NT5DC3: variants seen among roughly 807,000 people sequenced by gnomAD.
The protein encoded by NT5DC3 is 5'-nucleotidase domain containing 3, also known as 5'-nucleotidase domain-containing protein 3.
NT5DC3 carries 42 observed loss-of-function variants against 67.8 expected under a neutral mutation model. The observed-to-expected ratio is 0.62, with a 90% CI of 0.48 to 0.80. NT5DC3 has a LOEUF of 0.80. NT5DC3 is among the 30% of genes least tolerant of loss of function. NT5DC3 has a pLI of 0.00. For missense variants in NT5DC3, 570 were observed against 696.4 expected, an observed-to-expected ratio of 0.82 and a Z score of 2.04; for synonymous variants, 237 against 255.6, an observed-to-expected ratio of 0.93 and a Z score of 0.69.
the NT5DC3 span, chr12:103,746,443 A>C: frequency 1.5e-6 from 1 of 659,602 alleles, no homozygotes. Context: ...CTCCAAGGCT[A>C]GAAAAGACCT....
chr12:103,793,991 T>C lies in NT5DC3; in HGVS notation c.760A>G (p.Ile254Val), dbSNP rs751985010. The C allele has an allele frequency of 1.2e-6, 2 of 1,613,542 alleles. No homozygotes were observed. The highest frequency in any genetic ancestry group is 2.2e-5 in the East Asian group (1 of 44,888). ...ATTCCTTTGATGTGGACGTCTCGAA[T>C]TGAATCCTGCCAAAAGATACATTTT... The part of the protein sequence containing the change: ...VHLYKDVKDS[I>V]RDVHIKGIMY... Residue 254 changes from isoleucine to valine, a missense_variant, in exon 7 of 14, where the codon ATT (isoleucine) becomes GTT (valine). By Grantham distance (29) the Ile-to-Val change is conservative (BLOSUM62 3). This residue lies in a region of NT5DC3 where 466 missense variants were observed against 608.0 expected (regional missense o/e 0.77). Coordinates refer to ENST00000392876, the MANE Select transcript of NT5DC3 (RefSeq NM_001031701.3).
In NT5DC3 at chr12:103,841,188, G is replaced by A. The variant is rs1482197988; in HGVS notation, c.-32C>T. On this transcript the variant is annotated 5_prime_UTR_variant, in exon 1 of 14. Transcript: ENST00000392876. ...TGCCTGCTGCCGCCACCGCCGCCGC[G>A]CCGCTCTGCGACTGCTGCTGCCCGG... 3 of 601,856 alleles carry A rather than the reference G, an allele frequency of 5.0e-6. No individual in the cohort carries two copies. The highest frequency in any genetic ancestry group is 8.4e-6 in the Non-Finnish European group (3 of 358,500). 37.3% of individuals were successfully genotyped at this position (601,856 alleles called of 1,614,324 possible).
At chr12:103,795,591 C>T (rs746709276) in intron 6 of NT5DC3, among the ~76,000 whole-genome samples, 77 of 152,092 alleles carry the variant, frequency 5.1e-4, no homozygotes, top group Non-Finnish European at 9.0e-4. Context: ...CCAGGATTCA[C>T]GCTGCCAAAA....
rs1465988335 is a variant in NT5DC3, at chr12:103,829,162, ATATTTC to A, written c.208+11781_208+11786del. 3.9e-5 allele frequency among the ~76,000 whole-genome samples: 6 copies of A among 152,328 alleles called. No individual in the cohort carries two copies. The South Asian group carries it at 8.3e-4, about 21-fold the overall frequency. On this transcript the variant is annotated intron_variant, in intron 1 of 13. Coordinates refer to ENST00000392876, the MANE Select transcript of NT5DC3 (RefSeq NM_001031701.3). ...TCTAGTGAGAGTCACCCATGTAGGT[ATATTTC>A]TGTAGTTCTAGTTCAGCAGACAACA...
rs988614186 is a variant in NT5DC3, at chr12:103,777,444, T to C, written c.*385A>G. 2.6e-5 allele frequency: 5 copies of C among 194,748 alleles called. No homozygotes were observed. Among genetic ancestry groups the C allele is most frequent in the Non-Finnish European group, 5.3e-5 (5 of 94,378 alleles). 12.1% of individuals were successfully genotyped at this position (194,748 alleles called of 1,614,324 possible). On this transcript the variant is annotated 3_prime_UTR_variant, in exon 14 of 14. Coordinates refer to ENST00000392876, the MANE Select transcript of NT5DC3 (RefSeq NM_001031701.3). ...ATCACTGTGCCCCTGCAGTTCCCAA[T>C]GCATAGCCCGTAAATGTTCAGGAAA...
the NT5DC3 span, among the ~76,000 whole-genome samples, chr12:103,757,744 G>C: frequency 9.4e-4 from 143 of 152,364 alleles, no homozygotes; most frequent in Middle Eastern, 0.017. Context: ...GGCCCCATAT[G>C]GCTGGAACAG....
At chr12:103,840,905 A>G in intron 1 of NT5DC3, 44 bp downstream of exon 1, 1 of 1,201,734 alleles carries the variant, frequency 8.3e-7, no homozygotes, top group Non-Finnish European at 1.1e-6. Context: ...CTGAGCGCGC[A>G]GGAGGGGCCC....
the NT5DC3 span, chr12:103,762,533 C>T: frequency 2.3e-5 from 32 of 1,387,658 alleles, no homozygotes; most frequent in Admixed American, 1.8e-4. Context: ...GTAGCAGGGG[C>T]GGCCACCCAC....
the NT5DC3 span, chr12:103,757,914 C>A: frequency 2.0e-6 from 1 of 505,394 alleles, no homozygotes; most frequent in Non-Finnish European, 3.6e-6. Flanking sequence ...ATGCACCTTT[C>A]AAAGGGCTGC....
intron 2 of NT5DC3, 62 bp from the exon 3 acceptor site, chr12:103,806,991 G>C (rs552828371): frequency 3.2e-5 from 31 of 972,334 alleles, no homozygotes; most frequent in Middle Eastern, 2.1e-4. Flanking sequence ...ATCCTGTCCA[G>C]ATCTGGCCCT....
chr12:103,748,539 A>G, the NT5DC3 span, among the ~76,000 whole-genome samples: 1 of 151,724 alleles, frequency 6.6e-6, no homozygotes, highest in Non-Finnish European at 1.5e-5. Context: ...AATGGGGACA[A>G]CAATGTCTAT....
the NT5DC3 span, among the ~76,000 whole-genome samples, chr12:103,765,086 CAAAAAAAAAAAAA>C: frequency 1.5e-5 from 1 of 66,546 alleles, no homozygotes; most frequent in Non-Finnish European, 2.8e-5. Context: ...GACTCTGTCT[CAAAAAAAAAAAAA>C]AAAAAAAAAA....
chr12:103,823,359 A>G lies in NT5DC3; in HGVS notation c.209-8238T>C, dbSNP rs1034600386. 2.6e-5 allele frequency among the ~76,000 whole-genome samples: 4 copies of G among 152,196 alleles called. No individual in the cohort carries two copies. In the South Asian group the frequency reaches 8.3e-4, roughly 32 times the overall value. ...TAATAATTATGTGCATTTACTATAT[A>G]CCAGGCACTAAGAAGTACACGACCT... On this transcript the variant is annotated intron_variant, in intron 1 of 13. Transcript: ENST00000392876.
chr12:103,754,823 G>A, the NT5DC3 span, among the ~76,000 whole-genome samples: 1 of 151,896 alleles, frequency 6.6e-6, no homozygotes, highest in Non-Finnish European at 1.5e-5. Flanking sequence ...GTGCACACCT[G>A]TAATCCTAGC....
chr12:103,789,060 T>G, intron 9 of NT5DC3, 141 bp from the exon 10 acceptor site: 13 of 638,060 alleles, frequency 2.0e-5, no homozygotes, highest in Non-Finnish European at 3.4e-5. Context: ...CACCATCATA[T>G]TCCCTGGCCT....
the NT5DC3 span, among the ~76,000 whole-genome samples, chr12:103,761,800 T>C: frequency 1.3e-5 from 2 of 152,110 alleles, no homozygotes; most frequent in Non-Finnish European, 2.9e-5. Flanking sequence ...TTGGGAAGGA[T>C]TGTAAGTTAG....
At chr12:103,812,817 T>C (rs547183357) in intron 2 of NT5DC3, among the ~76,000 whole-genome samples, 2 of 152,314 alleles carry the variant, frequency 1.3e-5, no homozygotes, top group South Asian at 2.1e-4. Context: ...GTTGTACAGA[T>C]TAGAAACAAT....
chr12:103,837,048 G>C (rs189321231), intron 1 of NT5DC3, among the ~76,000 whole-genome samples: 29 of 152,314 alleles, frequency 1.9e-4, no homozygotes, highest in African/African-American at 7.0e-4. Context: ...ACTTTTGCCC[G>C]GGCATCCAGG....
intron 6 of NT5DC3, among the ~76,000 whole-genome samples, chr12:103,794,885 G>A (rs1294889610): frequency 6.6e-6 from 1 of 152,236 alleles, no homozygotes; most frequent in African/African-American, 2.4e-5. Context: ...CAGCATGATA[G>A]CTGGCAGGTG....
Sources: gnomAD v4.1 joint callset for allele counts (sites outside exome capture counted in the v4.1 genomes callset) on GRCh38, gnomAD v4.1.1 for gene constraint, gnomAD v4.1.1 regional missense constraint, MANE v1.5 for transcripts, NCBI Gene and HGNC (gene_info 2026-07-23, HGNC 2026-07-21) for gene names.